Variants in ZNF704 observed in about 807,000 individuals in gnomAD.
The protein encoded by ZNF704 is zinc finger protein 704, also known as glucocorticoid induced gene 1.
Under a neutral mutation model 44.7 loss-of-function variants are expected in ZNF704, and 10 were observed. The observed-to-expected ratio is 0.22, with a 90% CI of 0.14 to 0.38. The LOEUF (loss-of-function observed/expected upper bound fraction) is 0.38, where lower values mean the gene tolerates loss of function less well. Among genes scored for constraint, ZNF704 ranks in the 10% least tolerant of loss-of-function variants. The pLI is 1.00. For missense variants in ZNF704, 390 were observed against 545.5 expected (o/e 0.71, Z 2.84); for synonymous variants, 211 against 207.6 (o/e 1.02, Z -0.14).
chr8:80,735,147 A>G (rs947557069), intron 2 of ZNF704, among the ~76,000 whole-genome samples: 4 of 152,212 alleles, frequency 2.6e-5, no homozygotes, highest in African/African-American at 9.7e-5. Flanking sequence ...TACTTTTGAA[A>G]TAAACCTCCA....
At chr8:80,783,943 TCCTTTCCAG>T (rs1367808621) in intron 2 of ZNF704, among the ~76,000 whole-genome samples, 13 of 152,218 alleles carry the variant, frequency 8.5e-5, no homozygotes, top group African/African-American at 2.7e-4. Flanking sequence ...CACAATTTTG[TCCTTTCCAG>T]AATGTCATAT....
intron 2 of ZNF704, among the ~76,000 whole-genome samples, chr8:80,743,411 GATAA>G (rs759538782): frequency 1.9e-4 from 29 of 151,906 alleles, no homozygotes; most frequent in Non-Finnish European, 3.4e-4. Context: ...CACATGTAAC[GATAA>G]ATAAATAAAT....
chr8:80,782,687 A>G (rs1807549537), intron 2 of ZNF704, among the ~76,000 whole-genome samples: 1 of 152,144 alleles, frequency 6.6e-6, no homozygotes, highest in Admixed American at 6.5e-5. Context: ...GAGCCTGAAA[A>G]AAGGGTTTCA....
At chr8:80,848,362 A>C (rs1440324098) in intron 1 of ZNF704, among the ~76,000 whole-genome samples, 1 of 152,204 alleles carries the variant, frequency 6.6e-6, no homozygotes, top group African/African-American at 2.4e-5. Flanking sequence ...GCACACATGC[A>C]TACACATGTT....
intron 2 of ZNF704, among the ~76,000 whole-genome samples, chr8:80,730,538 T>TAAA (rs148942015): frequency 1.1e-4 from 7 of 63,958 alleles, no homozygotes; most frequent in Non-Finnish European, 2.1e-4. Context: ...GACTACATCT[T>TAAA]AAAAAAAAAA....
At chr8:80,714,392 A>T (rs997565011) in intron 2 of ZNF704, among the ~76,000 whole-genome samples, 4 of 151,558 alleles carry the variant, frequency 2.6e-5, no homozygotes, top group African/African-American at 9.7e-5. Context: ...TAGTCATGAG[A>T]CTCTTTTTCG....
At chr8:80,662,067 AT>A (rs1387472720) in intron 6 of ZNF704, among the ~76,000 whole-genome samples, 1 of 152,202 alleles carries the variant, frequency 6.6e-6, no homozygotes, top group African/African-American at 2.4e-5. Context: ...ACAAATACGT[AT>A]AAATATTAGG....
intron 6 of ZNF704, among the ~76,000 whole-genome samples, chr8:80,660,565 G>A (rs928296933): frequency 5.3e-5 from 8 of 151,206 alleles, no homozygotes; most frequent in Non-Finnish European, 1.2e-4. Flanking sequence ...AATTCAAAAT[G>A]TTGTTAAAAT....
intron 7 of ZNF704, among the ~76,000 whole-genome samples, chr8:80,653,940 T>C (rs1338222567): frequency 2.0e-5 from 3 of 152,130 alleles, no homozygotes; most frequent in Non-Finnish European, 4.4e-5. Context: ...CTTCAAACTA[T>C]ACTACAAGGC....
intron 5 of ZNF704, among the ~76,000 whole-genome samples, chr8:80,668,091 A>C (rs1344558424): frequency 6.6e-6 from 1 of 152,238 alleles, no homozygotes; most frequent in Admixed American, 6.5e-5. Flanking sequence ...TTTTCCACAG[A>C]AAGTTTTGAG....
intron 1 of ZNF704, among the ~76,000 whole-genome samples, chr8:80,859,169 G>A (rs753542947): frequency 3.3e-5 from 5 of 152,086 alleles, no homozygotes; most frequent in Non-Finnish European, 1.5e-5. Flanking sequence ...ATGTCTTCTT[G>A]ATAAATTGAC....
intron 2 of ZNF704, among the ~76,000 whole-genome samples, chr8:80,792,777 T>C (rs1807733614): frequency 6.6e-6 from 1 of 152,208 alleles, no homozygotes; most frequent in Non-Finnish European, 1.5e-5. Context: ...TCAGTCCAAC[T>C]ACTCTTCCGG....
intron 2 of ZNF704, among the ~76,000 whole-genome samples, chr8:80,780,715 G>A (rs561604841): frequency 1.6e-4 from 24 of 152,100 alleles, no homozygotes; most frequent in Non-Finnish European, 3.2e-4. Flanking sequence ...ACTGCAGTGA[G>A]GTACTAACAA....
At chr8:80,676,210 CAG>C (rs1412228276) in intron 4 of ZNF704, among the ~76,000 whole-genome samples, 1 of 152,090 alleles carries the variant, frequency 6.6e-6, no homozygotes, top group Non-Finnish European at 1.5e-5. Context: ...TTTAGGAAAA[CAG>C]AGAGAGTAAG....
intron 2 of ZNF704, among the ~76,000 whole-genome samples, chr8:80,753,109 T>C (rs1179716257): frequency 6.6e-6 from 1 of 152,208 alleles, no homozygotes; most frequent in Non-Finnish European, 1.5e-5. Flanking sequence ...TTCCAGTCTC[T>C]AAAAGCTGGC....
intron 2 of ZNF704, among the ~76,000 whole-genome samples, chr8:80,757,888 G>T (rs1807064032): frequency 6.6e-6 from 1 of 152,174 alleles, no homozygotes; most frequent in Non-Finnish European, 1.5e-5. Context: ...ATCAAGGTTT[G>T]TGTTAAGTAT....
intron 2 of ZNF704, among the ~76,000 whole-genome samples, chr8:80,757,489 AAAAGTC>A (rs964201387): frequency 3.9e-5 from 6 of 152,192 alleles, no homozygotes; most frequent in Non-Finnish European, 8.8e-5. Context: ...TATAAACTAA[AAAAGTC>A]ACAGTAAGCT....
intron 2 of ZNF704, among the ~76,000 whole-genome samples, chr8:80,774,706 C>T (rs868051456): frequency 1.3e-5 from 2 of 152,178 alleles, no homozygotes; most frequent in Admixed American, 6.5e-5. Context: ...CCCCACGAGG[C>T]CTTTGCTGGC....
At chr8:80,840,295 A>C (rs1199374711) in intron 1 of ZNF704, among the ~76,000 whole-genome samples, 1 of 152,134 alleles carries the variant, frequency 6.6e-6, no homozygotes, top group Non-Finnish European at 1.5e-5. Context: ...CTTTCTTAAA[A>C]CATGAAATTG....
Sources: allele counts gnomAD v4.1 joint callset (sites outside exome capture counted in the v4.1 genomes callset), GRCh38; gene constraint gnomAD v4.1.1; transcripts MANE v1.5; gene names NCBI Gene and HGNC (gene_info 2026-07-23, HGNC 2026-07-21).